The following AK5 variants were observed in gnomAD, a reference collection of about 807,000 sequenced individuals.
The protein encoded by AK5 is adenylate kinase 5, also known as adenylate kinase isoenzyme 5.
Under a neutral mutation model 69.5 loss-of-function variants are expected in AK5, and 27 were observed. That is an observed-to-expected ratio of 0.39 (90% CI 0.29 to 0.54). The LOEUF is 0.54. AK5 is among the 20% of genes least tolerant of loss of function. The pLI is 0.71. For synonymous variants in AK5, 260 were observed against 244.4 expected (o/e 1.06, Z -0.60); for missense variants, 531 against 700.4 (o/e 0.76, Z 2.73).
At chr1:77,351,449 G>T (rs1206274343) in intron 6 of AK5, among the ~76,000 whole-genome samples, 1 of 152,140 alleles carries the variant, frequency 6.6e-6, no homozygotes, top group African/African-American at 2.4e-5. Flanking sequence ...AGGTTTATTT[G>T]ATGTGTGTAA....
chr1:77,332,989 T>C (rs941339214), intron 5 of AK5, among the ~76,000 whole-genome samples: 3 of 151,944 alleles, frequency 2.0e-5, no homozygotes, highest in Non-Finnish European at 2.9e-5. Context: ...TACTAGATCA[T>C]GCAAATTAAA....
chr1:77,287,032 G>A lies in AK5; in HGVS notation c.152G>A (p.Cys51Tyr). Residue 51 changes from cysteine (C) to tyrosine (Y), a missense_variant, in exon 2 of 14, where the codon TGT (cysteine) becomes TAT (tyrosine). By Grantham distance (194) the Cys-to-Tyr change is radical. Coordinates refer to ENST00000354567, the MANE Select transcript of AK5 (RefSeq NM_174858.3). The part of the protein sequence containing the change: ...CLQKVKELGG[C>Y]DKVKWDTFVS... ...CAAAAAGTAAAGGAACTGGGTGGCT[G>A]TGACAAGGTGAAATGGGATACATTT... The A allele has an allele frequency of 2.5e-6, 4 of 1,610,140 alleles. No homozygotes were observed. The highest frequency in any genetic ancestry group is 2.2e-5 in the East Asian group (1 of 44,646).
intron 5 of AK5, among the ~76,000 whole-genome samples, chr1:77,318,253 A>T (rs1660345726): frequency 6.6e-6 from 1 of 152,112 alleles, no homozygotes; most frequent in Non-Finnish European, 1.5e-5. Flanking sequence ...CTGGAGCAGG[A>T]GGAAGAAAGA....
chr1:77,475,195 A>ATATATATATATATATATGTGTG (rs1182380859), intron 8 of AK5, among the ~76,000 whole-genome samples: 2 of 29,160 alleles, frequency 6.9e-5, no homozygotes, highest in South Asian at 1.4e-3. Flanking sequence ...ATATATATAT[A>ATATATATATATATATATGTGTG]TGTGTGTGTG....
chr1:77,398,542 A>C (rs1442781661), intron 6 of AK5, among the ~76,000 whole-genome samples: 1 of 152,158 alleles, frequency 6.6e-6, no homozygotes, highest in African/African-American at 2.4e-5. Flanking sequence ...GAAAGGGGAA[A>C]AGGGTATGTT....
At chr1:77,343,383 C>T (rs1335583583) in intron 6 of AK5, among the ~76,000 whole-genome samples, 1 of 152,106 alleles carries the variant, frequency 6.6e-6, no homozygotes, top group South Asian at 2.1e-4. Context: ...AGTTCCGTTG[C>T]CATTTAATAA....
intron 13 of AK5, 42 bp downstream of exon 13, chr1:77,536,080 T>A: frequency 4.5e-4 from 152 of 341,128 alleles, no homozygotes; most frequent in Non-Finnish European, 6.3e-4. Context: ...GCCGCTTACC[T>A]TTTTTTTTTT....
At chr1:77,551,685 C>T (rs1393615113) in intron 13 of AK5, among the ~76,000 whole-genome samples, 1 of 152,082 alleles carries the variant, frequency 6.6e-6, no homozygotes, top group Non-Finnish European at 1.5e-5. Context: ...GTCCTCTGTG[C>T]TGAAACCAAG....
chr1:77,483,833 C>T (rs1655418964), intron 9 of AK5, among the ~76,000 whole-genome samples: 1 of 152,186 alleles, frequency 6.6e-6, no homozygotes, highest in South Asian at 2.1e-4. Flanking sequence ...CTACCCTACA[C>T]CAGGATTATA....
chr1:77,480,713 C>T (rs1570228364), intron 8 of AK5, among the ~76,000 whole-genome samples: 1 of 152,136 alleles, frequency 6.6e-6, no homozygotes, highest in Non-Finnish European at 1.5e-5. Context: ...AATCCTTTTC[C>T]AGGAAATACT....
chr1:77,504,295 C>A (rs185857548), intron 10 of AK5, among the ~76,000 whole-genome samples: 257 of 152,202 alleles, frequency 1.7e-3, no homozygotes, highest in Middle Eastern at 0.01. Context: ...TTAAGGATTT[C>A]TTTTCTTTTT....
At chr1:77,503,036 G>A (rs1368792587) in intron 10 of AK5, among the ~76,000 whole-genome samples, 1 of 152,206 alleles carries the variant, frequency 6.6e-6, no homozygotes, top group African/African-American at 2.4e-5. Flanking sequence ...CCATAGGAAA[G>A]TCTTCCTAAG....
At chr1:77,436,416 T>C (rs1183631988) in intron 8 of AK5, among the ~76,000 whole-genome samples, 1 of 151,832 alleles carries the variant, frequency 6.6e-6, no homozygotes, top group Admixed American at 6.6e-5. Flanking sequence ...TTTTGAACTG[T>C]TCCATATCAG....
intron 10 of AK5, among the ~76,000 whole-genome samples, chr1:77,489,484 G>A (rs1192996114): frequency 6.6e-6 from 1 of 152,122 alleles, no homozygotes; most frequent in Non-Finnish European, 1.5e-5. Context: ...GGTATTTTGG[G>A]ACTGCTTTAT....
At chr1:77,433,216 C>T (rs1324457945) in intron 8 of AK5, among the ~76,000 whole-genome samples, 1 of 152,080 alleles carries the variant, frequency 6.6e-6, no homozygotes, top group African/African-American at 2.4e-5. Context: ...AACTTGAAAA[C>T]AATGCACAGG....
chr1:77,482,238 G>A (rs117542392), intron 8 of AK5, among the ~76,000 whole-genome samples: 1,554 of 152,276 alleles, frequency 0.01, 34 homozygotes, highest in East Asian at 0.079. Context: ...GTGACAGAGT[G>A]GAGAAATGAT....
At chr1:77,470,867 ATATATATATTTTTTT>A (rs1490185863) in intron 8 of AK5, among the ~76,000 whole-genome samples, 5 of 12,926 alleles carry the variant, frequency 3.9e-4, no homozygotes, top group African/African-American at 1.3e-3. Context: ...ATATATATAT[ATATATATATTTTTTT>A]TTTTTTTTTT....
At chr1:77,490,537 A>C (rs1655918687) in intron 10 of AK5, among the ~76,000 whole-genome samples, 1 of 152,256 alleles carries the variant, frequency 6.6e-6, no homozygotes, top group Non-Finnish European at 1.5e-5. Context: ...CAAAAAACAA[A>C]GAAGGGATTC....
intron 12 of AK5, among the ~76,000 whole-genome samples, chr1:77,533,963 C>A (rs1222301267): frequency 6.6e-6 from 1 of 151,126 alleles, no homozygotes; most frequent in Admixed American, 6.6e-5. Flanking sequence ...TTTTTTCCTT[C>A]CAATTAATAC....
Sources: gnomAD v4.1 joint callset for allele counts (sites outside exome capture counted in the v4.1 genomes callset) on GRCh38, gnomAD v4.1.1 for gene constraint, MANE v1.5 for transcripts, NCBI Gene and HGNC (gene_info 2026-07-23, HGNC 2026-07-21) for gene names.